The following SLC43A3 variants were observed in gnomAD, a reference collection of about 807,000 sequenced individuals.
The protein encoded by SLC43A3 is equilibrative nucleobase transporter 1.
A neutral mutation model predicts 53.3 loss-of-function variants in SLC43A3; 33 were observed. The ratio of observed to expected loss-of-function variants is 0.62; its 90% CI spans 0.47 to 0.83. The LOEUF is 0.83. SLC43A3 is among the 40% of genes least tolerant of loss of function. SLC43A3 has a pLI of 0.00. For synonymous variants in SLC43A3, 236 were observed against 246.2 expected, an observed-to-expected ratio of 0.96 and a Z score of 0.39; for missense variants, 530 against 610.0, an observed-to-expected ratio of 0.87 and a Z score of 1.38.
At chr11:57,427,443 CACAG>C (rs1322945383), upstream of SLC43A3, 1 of 152,550 alleles carries the variant, frequency 6.6e-6, no homozygotes, top group Non-Finnish European at 1.5e-5. Context: ...CCAGAGGACA[CACAG>C]ACAGCACATG....
chr11:57,425,894 A>C, intron 3 of SLC43A3, 95 bp downstream of exon 3: 1 of 1,394,804 alleles, frequency 7.2e-7, no homozygotes, highest in Non-Finnish European at 9.9e-7. Flanking sequence ...CTCATCATAG[A>C]AAGAGGGGTG....
intron 5 of SLC43A3, 149 bp downstream of exon 5, chr11:57,423,833 C>T: frequency 1.5e-6 from 1 of 672,154 alleles, no homozygotes; most frequent in Non-Finnish European, 2.6e-6. Flanking sequence ...CCAGCAATAG[C>T]TCAAGATCCT....
intron 9 of SLC43A3, 93 bp from the exon 10 acceptor site, chr11:57,415,199 C>T (rs757504478): frequency 4.6e-5 from 72 of 1,566,910 alleles, no homozygotes; most frequent in East Asian, 2.8e-4. Context: ...ATTTCAGATC[C>T]GGGCCCACCT....
intron 5 of SLC43A3, among the ~76,000 whole-genome samples, chr11:57,422,894 A>T (rs1943048998): frequency 6.6e-6 from 1 of 152,212 alleles, no homozygotes; most frequent in South Asian, 2.1e-4. Flanking sequence ...GAACAAAGAC[A>T]CTCAGCCTCT....
chr11:57,410,747 T>C (rs1942416220), intron 11 of SLC43A3, among the ~76,000 whole-genome samples: 1 of 152,178 alleles, frequency 6.6e-6, no homozygotes, highest in Non-Finnish European at 1.5e-5. Flanking sequence ...TCACGTTGAA[T>C]TATATCTCCC....
Position 57,407,677 on chromosome 11 carries a change from G to GTA in SLC43A3, c.*114_*115insTA. Reference sequence around the variant, plus strand: ...GTGTGTCTTTATTTTGTGTGTGTGTGTGTGTGTGTGTGTGTTTTGCTGGGA... The same window carrying GTA: ...GTGTGTCTTTATTTTGTGTGTGTGTGTATGTGTGTGTGTGTGTTTTGCTGGGA... On this transcript the variant is annotated 3_prime_UTR_variant, in exon 14 of 14. Transcript: ENST00000395124. 1.5e-6 allele frequency: 1 copy of GTA among 647,292 alleles called. No homozygotes were observed. Among genetic ancestry groups the GTA allele is most frequent in the Non-Finnish European group, 2.8e-6 (1 of 354,052 alleles). 40.1% of individuals were successfully genotyped at this position (647,292 alleles called of 1,614,324 possible).
At chr11:57,414,495 A>T (rs1942621785) in intron 11 of SLC43A3, 120 bp downstream of exon 11, 1 of 631,766 alleles carries the variant, frequency 1.6e-6, no homozygotes, top group South Asian at 1.9e-5. Context: ...CAACAGAGTA[A>T]GACTCTATCA....
intron 12 of SLC43A3, 78 bp from the exon 13 acceptor site, chr11:57,409,376 G>C: frequency 6.4e-7 from 1 of 1,556,366 alleles, no homozygotes; most frequent in Non-Finnish European, 8.8e-7. Flanking sequence ...TCTGGGGGCT[G>C]TCGGCCGCTT....
chr11:57,424,901 C>T (rs1943142932), intron 4 of SLC43A3, among the ~76,000 whole-genome samples: 1 of 152,210 alleles, frequency 6.6e-6, no homozygotes, highest in African/African-American at 2.4e-5. Context: ...TACCACTGAG[C>T]CTGGCCACAG....
At chr11:57,409,387 G>T in intron 12 of SLC43A3, 89 bp from the exon 13 acceptor site, 3 of 1,489,074 alleles carry the variant, frequency 2.0e-6, no homozygotes, top group Non-Finnish European at 2.8e-6. Flanking sequence ...TCGGCCGCTT[G>T]TCCCCAGCTC....
At chr11:57,415,413 A>T in intron 9 of SLC43A3, 1 of 1,366,424 alleles carries the variant, frequency 7.3e-7, no homozygotes, top group Non-Finnish European at 9.6e-7. Flanking sequence ...TCAGCGAGAA[A>T]GGTGAAAGGA....
intron 5 of SLC43A3, among the ~76,000 whole-genome samples, chr11:57,421,585 C>G (rs1942990778): frequency 6.6e-6 from 1 of 152,186 alleles, no homozygotes; most frequent in South Asian, 2.1e-4. Flanking sequence ...ACCTTCTTCC[C>G]AACCAAAGTT....
At chr11:57,409,328 G>A (rs775301349) in intron 12 of SLC43A3, 30 bp from the exon 13 acceptor site, 10 of 1,613,308 alleles carry the variant, frequency 6.2e-6, no homozygotes, top group Admixed American at 3.3e-5. Context: ...GGGTTCCAGT[G>A]AGCTTCAGGG....
chr11:57,409,795 C>T (rs1942367516), intron 12 of SLC43A3, 140 bp downstream of exon 12: 5 of 731,462 alleles, frequency 6.8e-6, no homozygotes, highest in Non-Finnish European at 6.7e-6. Context: ...CTGGTCTCAC[C>T]CCCTCCACAC....
In SLC43A3 at chr11:57,425,457, G is replaced by A. The variant is rs1943171400; in HGVS notation, c.314+84C>T. ...GCCTGGCAGGGTGGCCGGGCTGTCT[G>A]ACTCTGGATTTCACTCCAAGCTAGG... is the stretch of plus-strand genomic sequence containing the variant. On this transcript the variant is annotated intron_variant, in intron 4 of 13. Transcript: ENST00000395124. 4.7e-6 allele frequency: 7 copies of A among 1,478,412 alleles called. No individual in the cohort carries two copies. The African/African-American group carries it at 8.3e-5, about 18-fold the overall frequency. The allele number at this position is 1,478,412 out of a possible 1,614,324, so 91.6% of individuals were successfully genotyped here.
At chr11:57,423,452 A>G (rs1312408622) in intron 5 of SLC43A3, among the ~76,000 whole-genome samples, 2 of 152,076 alleles carry the variant, frequency 1.3e-5, no homozygotes, top group African/African-American at 2.4e-5. Flanking sequence ...GTTTTTTGGT[A>G]GAGTCTCACT....
In SLC43A3 at chr11:57,415,073, C is replaced by A. The variant is rs766596033; in HGVS notation, c.803G>T (p.Arg268Leu). 1 of 1,613,272 alleles carries A rather than the reference C, an allele frequency of 6.2e-7. No homozygotes were observed. The part of the protein sequence containing the change: ...TPGAGQKQEL[R>L]SFWSYAFSRR... ...AGAGAAAGCGTAGCTCCAGAAGGAG[C>A]GGAGTTCCTGCTTCTGCCCTGCCCC... is the stretch of plus-strand genomic sequence containing the variant. The change falls in exon 10 of 14, where the codon CGC (arginine) becomes CTC (leucine). Residue 268 changes from arginine (R) to leucine (L), a missense_variant. Transcript: ENST00000395124.
chr11:57,417,703 G>A (rs1467328805), intron 8 of SLC43A3, 45 bp downstream of exon 8: 1 of 1,611,080 alleles, frequency 6.2e-7, no homozygotes, highest in Non-Finnish European at 8.5e-7. Context: ...TCCCACCCTA[G>A]GGCCAATGAG....
intron 7 of SLC43A3, 120 bp from the exon 8 acceptor site, chr11:57,418,007 G>A: frequency 1.2e-6 from 1 of 866,268 alleles, no homozygotes; most frequent in East Asian, 2.7e-5. Flanking sequence ...TAAACATAAT[G>A]TGATCTATAC....
Sources: allele counts gnomAD v4.1 joint callset (sites outside exome capture counted in the v4.1 genomes callset), GRCh38; gene constraint gnomAD v4.1.1; transcripts MANE v1.5; gene names NCBI Gene and HGNC (gene_info 2026-07-23, HGNC 2026-07-21).